Variants in IGF2BP3 observed in about 807,000 individuals in gnomAD.
IGF2BP3 encodes the protein insulin like growth factor 2 mRNA binding protein 3.
Under a neutral mutation model 73.8 loss-of-function variants are expected in IGF2BP3, and 9 were observed. That is an observed-to-expected ratio of 0.12 (90% CI 0.07 to 0.21). IGF2BP3 has a LOEUF of 0.21. Among genes scored for constraint, IGF2BP3 ranks in the 10% least tolerant of loss-of-function variants. The pLI is 1.00. For missense variants in IGF2BP3, 542 were observed against 714.0 expected, an observed-to-expected ratio of 0.76 and a Z score of 2.75; for synonymous variants, 258 against 256.7, an observed-to-expected ratio of 1.01 and a Z score of -0.05.
chr7:23,367,941 A>G (rs1270281096), intron 3 of IGF2BP3, among the ~76,000 whole-genome samples: 2 of 152,152 alleles, frequency 1.3e-5, no homozygotes, highest in Non-Finnish European at 2.9e-5. Context: ...CAGAGGTTGC[A>G]GTGAGCTGAG....
At chr7:23,462,716 C>G (rs1788480636) in intron 2 of IGF2BP3, among the ~76,000 whole-genome samples, 1 of 152,146 alleles carries the variant, frequency 6.6e-6, no homozygotes, top group African/African-American at 2.4e-5. Context: ...TATATGGTCT[C>G]AGGATAATTC....
chr7:23,355,332 C>G (rs1422992775), intron 5 of IGF2BP3, among the ~76,000 whole-genome samples: 1 of 151,478 alleles, frequency 6.6e-6, no homozygotes, highest in East Asian at 1.9e-4. Flanking sequence ...TTGAGCAATT[C>G]TCCTTCCTCC....
intron 3 of IGF2BP3, among the ~76,000 whole-genome samples, chr7:23,400,352 T>A (rs1045474199): frequency 6.6e-6 from 1 of 152,218 alleles, no homozygotes; most frequent in African/African-American, 2.4e-5. Flanking sequence ...CTAAGCTATA[T>A]AATAAGCAGG....
intron 10 of IGF2BP3, among the ~76,000 whole-genome samples, chr7:23,325,761 A>G (rs1414787062): frequency 6.6e-6 from 1 of 152,234 alleles, no homozygotes; most frequent in African/African-American, 2.4e-5. Flanking sequence ...CAGAGCCCTC[A>G]GAAATAACAC....
At chr7:23,327,830 T>C (rs1784343477) in intron 10 of IGF2BP3, among the ~76,000 whole-genome samples, 1 of 152,100 alleles carries the variant, frequency 6.6e-6, no homozygotes, top group Non-Finnish European at 1.5e-5. Flanking sequence ...ACCTTTTTCC[T>C]GTGAGCCCAG....
chr7:23,321,551 C>G (rs1264921777), intron 10 of IGF2BP3, among the ~76,000 whole-genome samples: 1 of 152,208 alleles, frequency 6.6e-6, no homozygotes, highest in Non-Finnish European at 1.5e-5. Context: ...CCAGGACGCT[C>G]GAACTGGGTG....
intron 3 of IGF2BP3, among the ~76,000 whole-genome samples, chr7:23,368,205 T>C (rs1736910523): frequency 1.3e-5 from 2 of 152,040 alleles, no homozygotes; most frequent in Non-Finnish European, 2.9e-5. Flanking sequence ...ATTTGTACAA[T>C]GGAATATTAT....
At chr7:23,411,985 T>TA (rs1491173651) in intron 3 of IGF2BP3, among the ~76,000 whole-genome samples, 6 of 102,654 alleles carry the variant, frequency 5.8e-5, no homozygotes, top group Non-Finnish European at 1.1e-4. Context: ...CTTATTTCTC[T>TA]TTTTTTTTTT....
chr7:23,390,821 CAG>C (rs1243663561), intron 3 of IGF2BP3, among the ~76,000 whole-genome samples: 5 of 140,292 alleles, frequency 3.6e-5, no homozygotes, highest in African/African-American at 8.1e-5. Context: ...TTTTTTGAGA[CAG>C]AGTCTCGCTC....
At chr7:23,377,167 G>A (rs1205847974) in intron 3 of IGF2BP3, among the ~76,000 whole-genome samples, 1 of 151,858 alleles carries the variant, frequency 6.6e-6, no homozygotes, top group African/African-American at 2.4e-5. Flanking sequence ...GTGCTTCAAA[G>A]AACACTATCA....
intron 3 of IGF2BP3, among the ~76,000 whole-genome samples, chr7:23,404,107 A>C (rs1260573887): frequency 2.0e-5 from 3 of 151,246 alleles, no homozygotes; most frequent in Non-Finnish European, 4.4e-5. Context: ...GTGCCACCTG[A>C]CTCCAGCCTG....
At chr7:23,354,103 C>T (rs528135040) in intron 5 of IGF2BP3, among the ~76,000 whole-genome samples, 1 of 152,296 alleles carries the variant, frequency 6.6e-6, no homozygotes, top group Non-Finnish European at 1.5e-5. Flanking sequence ...AAGCAATTCT[C>T]CTGCCTCGGC....
chr7:23,321,827 G>T (rs536205787), intron 10 of IGF2BP3, among the ~76,000 whole-genome samples: 10 of 152,156 alleles, frequency 6.6e-5, no homozygotes, highest in Non-Finnish European at 1.0e-4. Flanking sequence ...ACACCTCACA[G>T]GGCCGGGTAC....
At position 23,429,438 on chromosome 7, in the gene IGF2BP3, T is replaced by C. The variant is rs538234874; in HGVS notation, c.237-10614A>G. On this transcript the variant is annotated intron_variant, in intron 2 of 14. Coordinates refer to ENST00000258729, the MANE Select transcript of IGF2BP3 (RefSeq NM_006547.3). ...GCTACTGTGTGGCAGGGTCAGCATA[T>C]GTATTTGAGCATTCTGGCCACAGAT... Among the ~76,000 whole-genome samples the C allele has an allele frequency of 2.0e-5, 3 of 152,308 alleles. No individual in the cohort carries two copies. In the South Asian group the frequency reaches 6.2e-4, roughly 32 times the overall value.
intron 3 of IGF2BP3, chr7:23,365,506 G>T (rs1785346600): frequency 6.6e-6 from 1 of 152,124 alleles, no homozygotes; most frequent in Non-Finnish European, 1.5e-5. Flanking sequence ...GTGCCAAAGT[G>T]ATAAATATTT....
At chr7:23,321,930 C>T (rs776248201) in intron 10 of IGF2BP3, among the ~76,000 whole-genome samples, 10 of 152,114 alleles carry the variant, frequency 6.6e-5, no homozygotes, top group Non-Finnish European at 1.2e-4. Flanking sequence ...TGTACATCAC[C>T]GTCATCAAAG....
intron 6 of IGF2BP3, chr7:23,347,948 C>T (rs1784873285): frequency 3.8e-6 from 2 of 524,762 alleles, no homozygotes; most frequent in East Asian, 6.3e-5. Context: ...TTCCTCAATC[C>T]AACCAAGCGG....
intron 3 of IGF2BP3, among the ~76,000 whole-genome samples, chr7:23,381,322 G>A (rs1402645234): frequency 6.6e-6 from 1 of 152,186 alleles, no homozygotes; most frequent in Non-Finnish European, 1.5e-5. Flanking sequence ...GGAAATACGA[G>A]AAGAGTCAGG....
chr7:23,380,459 G>A (rs765813098), intron 3 of IGF2BP3, among the ~76,000 whole-genome samples: 1 of 152,034 alleles, frequency 6.6e-6, no homozygotes, highest in South Asian at 2.1e-4. Context: ...CACCGTGCCC[G>A]GCCTACTGCC....
Sources: gnomAD v4.1 joint callset for allele counts (sites outside exome capture counted in the v4.1 genomes callset) on GRCh38, gnomAD v4.1.1 for gene constraint, MANE v1.5 for transcripts, NCBI Gene and HGNC (gene_info 2026-07-23, HGNC 2026-07-21) for gene names.